EIF3G: variants seen among roughly 807,000 people sequenced by gnomAD.
EIF3G encodes the protein eukaryotic translation initiation factor 3 RNA-binding subunit.
Under a neutral mutation model 41.7 loss-of-function variants are expected in EIF3G, and 10 were observed. That is an observed-to-expected ratio of 0.24 (90% CI 0.15 to 0.41). The LOEUF (loss-of-function observed/expected upper bound fraction) is 0.41. Among genes scored for constraint, EIF3G ranks in the 10% least tolerant of loss-of-function variants. The pLI, the probability that EIF3G is intolerant of heterozygous loss-of-function variation, is 1.00. For synonymous variants in EIF3G, 204 were observed against 172.5 expected, an observed-to-expected ratio of 1.18 and a Z score of -1.43; for missense variants, 297 against 444.0, an observed-to-expected ratio of 0.67 and a Z score of 2.98.
At chr19:10,117,252 G>T in intron 5 of EIF3G, 64 bp from the exon 6 acceptor site, 1 of 1,258,504 alleles carries the variant, frequency 7.9e-7, no homozygotes, top group Non-Finnish European at 1.1e-6. Context: ...ACAGTGGGGT[G>T]CCCTAGACCT....
rs148928911 is a variant in EIF3G at position 10,115,948 on chromosome 19, GCGT to G, written c.703+16_703+18del. ...CGGGAGGTGCCCACCCACCAGCCTG[GCGT>G]CGGGGTGCCCCTCACCTCTGCGGTT... On this transcript the variant is annotated intron_variant, in intron 8 of 10. Coordinates refer to ENST00000253108, the MANE Select transcript of EIF3G (RefSeq NM_003755.5). 0.073 allele frequency: 117,035 copies of G among 1,610,428 alleles called. 4,665 individuals carry two copies. Among genetic ancestry groups the G allele is most frequent in the Non-Finnish European group, 0.081 (96,001 of 1,177,984 alleles).
In EIF3G at chr19:10,119,636, G is replaced by A. The variant is rs2145231429; in HGVS notation, c.67+18C>T. 6.4e-7 allele frequency: 1 copy of A among 1,557,632 alleles called. No individual in the cohort carries two copies. ...TTGGGCCTGGCCGCGAATACCCCGG[G>A]CGACCGTGTACACTTACCGTCCTCC... On this transcript the variant is annotated intron_variant, in intron 2 of 10. Coordinates refer to ENST00000253108, the MANE Select transcript of EIF3G (RefSeq NM_003755.5).
At chr19:10,118,479 C>T (rs994558994) in intron 5 of EIF3G, 189 bp downstream of exon 5, 3 of 615,960 alleles carry the variant, frequency 4.9e-6, no homozygotes, top group African/African-American at 1.9e-5. Flanking sequence ...GCAGGAGAAT[C>T]ACTTGAACCC....
Position 10,116,998 on chromosome 19 carries a change from G to C in EIF3G, c.406-9C>G. On this transcript the variant is annotated splice_polypyrimidine_tract_variant and intron_variant, in intron 6 of 10. Transcript: ENST00000253108. This position sits in a 1 kb window ranked among gnomAD's most constrained non-coding sequence, Gnocchi z 4.1. ...TCCTGGCAGTTCAGGTCCTGGCAGG[G>C]GCGGGTTGGGGGGAGCTCAGAGGCG... is the stretch of plus-strand genomic sequence containing the variant. 1 of 1,606,776 alleles carries C rather than the reference G, an allele frequency of 6.2e-7. No homozygotes were observed. The highest frequency in any genetic ancestry group is 1.1e-5 in the South Asian group (1 of 90,316).
At chr19:10,118,837 G>A (rs1459693208) in intron 4 of EIF3G, 31 bp downstream of exon 4, 1 of 1,610,026 alleles carries the variant, frequency 6.2e-7, no homozygotes, top group East Asian at 2.2e-5. Context: ...CAAGCACAAG[G>A]GTCCCCACTC....
rs1357309712 is a variant in EIF3G, at chr19:10,115,240, CGAA to C, written c.948-114_948-112del. 3 of 1,410,242 alleles carry C rather than the reference CGAA, an allele frequency of 2.1e-6. No homozygotes were observed. In the African/African-American group the frequency reaches 4.2e-5, roughly 20 times the overall value. The allele number at this position is 1,410,242 out of a possible 1,614,324, so 87.4% of individuals were successfully genotyped here. On this transcript the variant is annotated intron_variant, in intron 10 of 10. Transcript: ENST00000253108. ...GGCAGAGGACGGGGTAATGTGAGGA[CGAA>C]GCGGGCACGGAGCCAGATGGCCAGT... is the stretch of plus-strand genomic sequence containing the variant.
chr19:10,117,761 A>T (rs2089272156), intron 5 of EIF3G, among the ~76,000 whole-genome samples: 1 of 152,224 alleles, frequency 6.6e-6, no homozygotes, highest in Non-Finnish European at 1.5e-5. Context: ...AAGAGGAATA[A>T]GAATCTAACC....
chr19:10,117,246 TG>T, intron 5 of EIF3G, 58 bp from the exon 6 acceptor site: 1 of 1,367,436 alleles, frequency 7.3e-7, no homozygotes, highest in Non-Finnish European at 1.0e-6. Context: ...GGTTCCACAG[TG>T]GGGTGCCCTA....
intron 10 of EIF3G, 149 bp downstream of exon 10, chr19:10,115,330 C>A: frequency 1.7e-6 from 2 of 1,144,950 alleles, no homozygotes; most frequent in Non-Finnish European, 2.4e-6. Context: ...CCCCTCTGCC[C>A]GGTTTTGGAA....
In EIF3G at chr19:10,115,952, C is replaced by CG. The variant is rs1568494640; in HGVS notation, c.703+14dup. The CG allele has an allele frequency of 6.3e-7, 1 of 1,583,168 alleles. No individual in the cohort carries two copies. The highest frequency in any genetic ancestry group is 1.4e-5 in the African/African-American group (1 of 73,648). On this transcript the variant is annotated intron_variant, in intron 8 of 10. Coordinates refer to ENST00000253108, the MANE Select transcript of EIF3G (RefSeq NM_003755.5). ...AGGTGCCCACCCACCAGCCTGGCGT[C>CG]GGGGTGCCCCTCACCTCTGCGGTTG...
Position 10,117,149 on chromosome 19 carries a change from C to T in EIF3G, c.340G>A (p.Gly114Arg). Residue 114 changes from glycine (G) to arginine (R), a missense_variant, in exon 6 of 11, where the codon GGA becomes AGA. By Grantham distance (125) the Gly-to-Arg change is moderately radical. Around this residue, in one of 4 missense-constraint regions of EIF3G, gnomAD observed 147 missense variants for 162.4 expected, o/e 0.91. Coordinates refer to ENST00000253108, the MANE Select transcript of EIF3G (RefSeq NM_003755.5). ...KFGNSEFDPP[G>R]PNVATTTVSD... ...ACAGTGGTGGTGGCCACATTGGGTC[C>T]GGGGGGGTCAAACTCTGAGTTCCCG... 6.2e-7 allele frequency: 1 copy of T among 1,612,770 alleles called. No homozygotes were observed. Among genetic ancestry groups the T allele is most frequent in the Non-Finnish European group, 8.5e-7 (1 of 1,179,558 alleles).
Position 10,115,071 on chromosome 19 carries a change from C to T in EIF3G, c.*43G>A, listed in dbSNP as rs1179248685. ...AGCCCGCGCTCTCGGAGGCTGTCTTCTGTCGCCAAGGGTCCCGGACCGAGT... is the reference window on the plus strand; with the variant it reads ...AGCCCGCGCTCTCGGAGGCTGTCTTTTGTCGCCAAGGGTCCCGGACCGAGT... On this transcript the variant is annotated 3_prime_UTR_variant, in exon 11 of 11. Transcript: ENST00000253108. The T allele has an allele frequency of 1.2e-6, 2 of 1,613,508 alleles. No individual in the cohort carries two copies. The highest frequency in any genetic ancestry group is 1.3e-5 in the African/African-American group (1 of 74,954).
At chr19:10,115,887 C>T in intron 8 of EIF3G, 67 bp from the exon 9 acceptor site, 1 of 1,594,178 alleles carries the variant, frequency 6.3e-7, no homozygotes, top group African/African-American at 1.4e-5. Flanking sequence ...GCTGCCCAGC[C>T]CTCGTGTGCA....
At chr19:10,119,578 C>T (rs1271167397) in intron 2 of EIF3G, 76 bp downstream of exon 2, 3 of 1,516,878 alleles carry the variant, frequency 2.0e-6, no homozygotes, top group South Asian at 1.3e-5. Context: ...CGGTGCCAGA[C>T]TGGGAGATGG....
intron 10 of EIF3G, 91 bp from the exon 11 acceptor site, chr19:10,115,220 A>T: frequency 6.6e-7 from 1 of 1,513,482 alleles, no homozygotes; most frequent in Non-Finnish European, 9.0e-7. Flanking sequence ...GGGTGGGCAG[A>T]GGACGGGGTA....
At position 10,117,194 on chromosome 19, in the gene EIF3G, C is replaced by G. The variant is rs767809167; in HGVS notation, c.301-6G>C. 2.5e-6 allele frequency: 4 copies of G among 1,602,474 alleles called. No homozygotes were observed. The highest frequency in any genetic ancestry group is 3.4e-6 in the Non-Finnish European group (4 of 1,173,870). ...TTCCCGAACTTCTTCCAGTTCTGGG[C>G]TCAGGGAGGGATGGGGGACAGTTGA... On this transcript the variant is annotated splice_region_variant and splice_polypyrimidine_tract_variant and intron_variant, in intron 5 of 10. Transcript: ENST00000253108.
Position 10,118,924 on chromosome 19 carries a change from C to T in EIF3G, c.184G>A (p.Gly62Arg), listed in dbSNP as rs756945511. 1 of 1,614,072 alleles carries T rather than the reference C, an allele frequency of 6.2e-7. No homozygotes were observed. The highest frequency in any genetic ancestry group is 8.5e-7 in the Non-Finnish European group (1 of 1,180,014). Residue 62 changes from glycine (G) to arginine (R), a missense_variant, in exon 4 of 11, where the codon GGA (glycine) becomes AGA (arginine). Around this residue, in one of 4 missense-constraint regions of EIF3G, gnomAD observed 147 missense variants for 162.4 expected, o/e 0.91. Transcript: ENST00000253108. ...TACTCTGTCACTGTCTTTATGTTTCCGTTGATGACCTCCTTGGGAGGCGGC... is the reference window on the plus strand; with the variant it reads ...TACTCTGTCACTGTCTTTATGTTTCTGTTGATGACCTCCTTGGGAGGCGGC... ...PLPPPKEVINGNIKTVTEYKI... is the reference protein window; with the variant it reads ...PLPPPKEVINRNIKTVTEYKI...
chr19:10,119,294 G>A, intron 2 of EIF3G, 123 bp from the exon 3 acceptor site: 1 of 1,115,160 alleles, frequency 9.0e-7, no homozygotes, highest in Non-Finnish European at 1.3e-6. Flanking sequence ...AAGGGCAGAG[G>A]GCTGGCCAGG....
In EIF3G at chr19:10,117,001, G is replaced by T; in HGVS notation, c.406-12C>A. ...TGGCAGTTCAGGTCCTGGCAGGGGC[G>T]GGTTGGGGGGAGCTCAGAGGCGGCT... On this transcript the variant is annotated splice_polypyrimidine_tract_variant and intron_variant, in intron 6 of 10. Transcript: ENST00000253108. 6.2e-7 allele frequency: 1 copy of T among 1,605,162 alleles called. No individual in the cohort carries two copies. Among genetic ancestry groups the T allele is most frequent in the Non-Finnish European group, 8.5e-7 (1 of 1,173,966 alleles).
Sources: allele counts gnomAD v4.1 joint callset (sites outside exome capture counted in the v4.1 genomes callset), GRCh38; gene constraint gnomAD v4.1.1; regional missense constraint gnomAD v4.1.1; non-coding constraint Gnocchi (gnomAD v3.1); transcripts MANE v1.5; gene names NCBI Gene and HGNC (gene_info 2026-07-23, HGNC 2026-07-21).